The following PPFIBP2 variants were observed in gnomAD, a reference collection of about 807,000 sequenced individuals.
PPFIBP2 encodes PPFIB scaffold protein 2.
Under a neutral mutation model 118.3 loss-of-function variants are expected in PPFIBP2, and 118 were observed. The ratio of observed to expected loss-of-function variants is 1.00; its 90% CI spans 0.86 to 1.16. The LOEUF (loss-of-function observed/expected upper bound fraction) is 1.16. Among genes scored for constraint, PPFIBP2 ranks in the 50% most tolerant of loss-of-function variants. The pLI, the probability that PPFIBP2 is intolerant of heterozygous loss-of-function variation, is 0.00. For missense variants in PPFIBP2, 1,195 were observed against 1,073.1 expected, an observed-to-expected ratio of 1.11 and a Z score of -1.59; for synonymous variants, 414 against 397.4, an observed-to-expected ratio of 1.04 and a Z score of -0.50.
chr11:7,604,063 C>T (rs1455147321), intron 5 of PPFIBP2, among the ~76,000 whole-genome samples: 1 of 152,132 alleles, frequency 6.6e-6, no homozygotes, highest in Non-Finnish European at 1.5e-5. Context: ...GCAAGCATTG[C>T]CTGGCGAGGA....
At chr11:7,615,879 A>T (rs1038380819) in intron 6 of PPFIBP2, among the ~76,000 whole-genome samples, 2 of 152,208 alleles carry the variant, frequency 1.3e-5, no homozygotes, top group African/African-American at 2.4e-5. Context: ...AATAAAATGG[A>T]TGGGGAACTG....
intron 20 of PPFIBP2, 139 bp from the exon 21 acceptor site, chr11:7,649,393 C>T: frequency 7.7e-7 from 1 of 1,291,206 alleles, no homozygotes; most frequent in Non-Finnish European, 1.1e-6. Context: ...GTACAAACCA[C>T]TGTGATAAGC....
chr11:7,625,367 G>A (rs1323994252), intron 7 of PPFIBP2, among the ~76,000 whole-genome samples: 3 of 152,168 alleles, frequency 2.0e-5, no homozygotes, highest in African/African-American at 7.2e-5. Flanking sequence ...TGTTATAGTG[G>A]TGTCTCTAAA....
chr11:7,629,616 G>A (rs1370101303), intron 10 of PPFIBP2, 82 bp downstream of exon 10: 1 of 1,364,650 alleles, frequency 7.3e-7, no homozygotes, highest in Non-Finnish European at 1.0e-6. Context: ...TCTGCTAGCA[G>A]CTGTTTCACC....
intron 3 of PPFIBP2, among the ~76,000 whole-genome samples, chr11:7,587,246 G>C (rs770518248): frequency 5.9e-5 from 9 of 152,200 alleles, no homozygotes; most frequent in Non-Finnish European, 1.2e-4. Flanking sequence ...CACTCCCTGT[G>C]CCACAAAGTA....
chr11:7,619,069 G>A (rs1273093001), intron 6 of PPFIBP2, among the ~76,000 whole-genome samples: 1 of 152,172 alleles, frequency 6.6e-6, no homozygotes, highest in Non-Finnish European at 1.5e-5. Context: ...TTTCATGTGT[G>A]CATTCATTGA....
At chr11:7,540,945 A>G (rs185003361) in intron 1 of PPFIBP2, among the ~76,000 whole-genome samples, 3 of 150,400 alleles carry the variant, frequency 2.0e-5, no homozygotes, top group African/African-American at 7.3e-5. Context: ...GTGATAAGGC[A>G]TCTGGTGAGG....
intron 17 of PPFIBP2, among the ~76,000 whole-genome samples, chr11:7,644,882 C>T (rs1852756675): frequency 6.6e-6 from 1 of 151,256 alleles, no homozygotes; most frequent in Non-Finnish European, 1.5e-5. Context: ...AAAAAATTAG[C>T]CGGGCGTGGT....
intron 2 of PPFIBP2, among the ~76,000 whole-genome samples, chr11:7,563,093 G>T (rs150299730): frequency 6.6e-6 from 1 of 151,034 alleles, no homozygotes; most frequent in African/African-American, 2.4e-5. Context: ...GGGCAGAGAG[G>T]GTCACAGAGA....
At chr11:7,526,998 G>A (rs900939357) in intron 1 of PPFIBP2, among the ~76,000 whole-genome samples, 9 of 151,850 alleles carry the variant, frequency 5.9e-5, no homozygotes, top group African/African-American at 1.4e-4. Flanking sequence ...GGTATGTGGT[G>A]TGAGACAGCT....
intron 1 of PPFIBP2, among the ~76,000 whole-genome samples, chr11:7,520,291 T>A (rs1217713528): frequency 6.6e-6 from 1 of 152,106 alleles, no homozygotes; most frequent in Non-Finnish European, 1.5e-5. Flanking sequence ...GGCCTCCCTT[T>A]TGGTTTTCAG....
chr11:7,605,720 A>C, intron 5 of PPFIBP2: 1 of 1,347,382 alleles, frequency 7.4e-7, no homozygotes, highest in Non-Finnish European at 9.5e-7. Flanking sequence ...AGAGTTACTA[A>C]GTAACTAGTG....
intron 3 of PPFIBP2, among the ~76,000 whole-genome samples, chr11:7,572,512 G>A (rs1157218828): frequency 6.6e-6 from 1 of 152,202 alleles, no homozygotes; most frequent in Non-Finnish European, 1.5e-5. Context: ...ACTGGTGAAA[G>A]AGCAAATAAA....
chr11:7,519,098 G>C (rs115092434), intron 1 of PPFIBP2, among the ~76,000 whole-genome samples: 4 of 152,102 alleles, frequency 2.6e-5, no homozygotes, highest in African/African-American at 9.7e-5. Flanking sequence ...ACTGCTGACT[G>C]GGAAGATGGT....
intron 1 of PPFIBP2, among the ~76,000 whole-genome samples, chr11:7,522,588 G>A (rs1209669871): frequency 1.3e-5 from 2 of 152,140 alleles, no homozygotes; most frequent in Non-Finnish European, 2.9e-5. Context: ...CCAGAAGGTC[G>A]AGATGGAGAT....
chr11:7,613,722 A>G (rs981648844), intron 6 of PPFIBP2, among the ~76,000 whole-genome samples: 1 of 152,180 alleles, frequency 6.6e-6, no homozygotes, highest in South Asian at 2.1e-4. Flanking sequence ...GGCCTTCCCC[A>G]AGAAAGAAAT....
Position 7,597,403 on chromosome 11 carries a change from C to T in PPFIBP2, c.373-157C>T, listed in dbSNP as rs1157379915. ...GAATCTAACTGCAGCTGCCTTCGTTCAGGACACTTCCTCCACCTGCCACTC... is the reference window on the plus strand; with the variant it reads ...GAATCTAACTGCAGCTGCCTTCGTTTAGGACACTTCCTCCACCTGCCACTC... On this transcript the variant is annotated intron_variant, in intron 4 of 23. Coordinates refer to ENST00000299492, the MANE Select transcript of PPFIBP2 (RefSeq NM_003621.5). 12 of 1,538,676 alleles carry T rather than the reference C, an allele frequency of 7.8e-6. No individual in the cohort carries two copies. In the South Asian group the frequency reaches 1.2e-4, roughly 15 times the overall value.
chr11:7,594,130 G>GT (rs1359143598), intron 4 of PPFIBP2, among the ~76,000 whole-genome samples: 9 of 151,820 alleles, frequency 5.9e-5, no homozygotes, highest in African/African-American at 2.2e-4. Flanking sequence ...GTGGCAGTGT[G>GT]TTTGTTTTTT....
chr11:7,632,571 GGGAA>G (rs1485821678), intron 11 of PPFIBP2: 1 of 216,710 alleles, frequency 4.6e-6, no homozygotes, highest in Admixed American at 5.2e-5. Flanking sequence ...AGATCAGAAA[GGGAA>G]GGAGCAGAAA....
Sources: allele counts gnomAD v4.1 joint callset (sites outside exome capture counted in the v4.1 genomes callset), GRCh38; gene constraint gnomAD v4.1.1; transcripts MANE v1.5; gene names NCBI Gene and HGNC (gene_info 2026-07-23, HGNC 2026-07-21).